The following FAAP20 variants were observed in gnomAD, a reference collection of about 807,000 sequenced individuals.
FAAP20 encodes the protein Fanconi anemia core complex-associated protein 20.
FAAP20 carries 12 observed loss-of-function variants against 16.2 expected under a neutral mutation model. The observed-to-expected ratio is 0.74, with a 90% CI of 0.48 to 1.20. The LOEUF (loss-of-function observed/expected upper bound fraction) is 1.20, where lower values mean the gene tolerates loss of function less well. Among genes scored for constraint, FAAP20 ranks in the 50% most tolerant of loss-of-function variants. The pLI is 0.00. For missense variants in FAAP20, 288 were observed against 245.8 expected (o/e 1.17, Z -1.15); for synonymous variants, 141 against 110.7 (o/e 1.27, Z -1.72).
chr1:2,187,313 TC>T (rs1687713917), downstream of FAAP20: 1 of 394,094 alleles, frequency 2.5e-6, no homozygotes, highest in South Asian at 2.0e-5. Flanking sequence ...CTTTTTTTTT[TC>T]TTTTTTTTGA....
upstream of FAAP20, chr1:2,199,484 C>G: frequency 1.0e-6 from 1 of 994,558 alleles, no homozygotes; most frequent in Non-Finnish European, 1.2e-6. This position sits in a 1 kb window ranked among gnomAD's most constrained non-coding sequence, Gnocchi z 4.5. Flanking sequence ...ATTGGTCTAC[C>G]CAGGAGGGCG....
exon 2 of FAAP20, chr1:2,206,571 C>G (rs940826545): frequency 2.6e-5 from 4 of 152,296 alleles, no homozygotes; most frequent in African/African-American, 4.8e-5. Context: ...TGGTGGCTCA[C>G]GCCTGTAATC....
chr1:2,203,169 G>A (rs1363319694), upstream of FAAP20, among the ~76,000 whole-genome samples: 8 of 152,186 alleles, frequency 5.3e-5, no homozygotes, highest in South Asian at 2.1e-4. Flanking sequence ...CTATCTGGCC[G>A]CTGGAAGTAG....
chr1:2,200,851 C>T, upstream of FAAP20: 1 of 1,063,576 alleles, frequency 9.4e-7, no homozygotes, highest in Non-Finnish European at 1.1e-6. Context: ...CCAAGTGGGC[C>T]AGGAAACCTC....
At chr1:2,192,827 T>C (rs1688387007) in intron 3 of FAAP20, 2 of 1,222,020 alleles carry the variant, frequency 1.6e-6, no homozygotes, top group Non-Finnish European at 2.2e-6. Flanking sequence ...CTCAAACTCC[T>C]GGGCTCCAGC....
downstream of FAAP20, among the ~76,000 whole-genome samples, chr1:2,208,222 G>A (rs569931020): frequency 1.3e-5 from 2 of 152,080 alleles, no homozygotes; most frequent in Non-Finnish European, 2.9e-5. Context: ...GGAGCCCGGG[G>A]CCTTGGCTGC....
downstream of FAAP20, chr1:2,185,553 A>C: frequency 1.4e-6 from 1 of 710,500 alleles, no homozygotes. Context: ...TTTCCTAAAA[A>C]CCCCGGTAAG....
At chr1:2,202,824 G>A (rs1426164315), upstream of FAAP20, among the ~76,000 whole-genome samples, 1 of 152,098 alleles carries the variant, frequency 6.6e-6, no homozygotes, top group East Asian at 1.9e-4. Context: ...ATATTGTCCA[G>A]GCTGGTCTCG....
chr1:2,199,197 G>A (rs990312898), upstream of FAAP20: 122 of 1,170,060 alleles, frequency 1.0e-4, no homozygotes, highest in African/African-American at 1.7e-3. This position sits in a 1 kb window ranked among gnomAD's most constrained non-coding sequence, Gnocchi z 4.5. Context: ...CAGCATCCCC[G>A]ACCAGACAGG....
At chr1:2,185,030 T>G, downstream of FAAP20, 1 of 1,586,980 alleles carries the variant, frequency 6.3e-7, no homozygotes, top group East Asian at 2.3e-5. Flanking sequence ...GTCTCTGTCG[T>G]GGACACGCGT....
At chr1:2,184,548 C>A (rs766230396), downstream of FAAP20, 3 of 1,542,446 alleles carry the variant, frequency 1.9e-6, no homozygotes, top group East Asian at 2.3e-5. Flanking sequence ...ATGATGCCCG[C>A]GCGGAGCTGA....
upstream of FAAP20, chr1:2,199,163 C>T: frequency 5.9e-6 from 7 of 1,181,328 alleles, no homozygotes; most frequent in Non-Finnish European, 7.5e-6. This position sits in a 1 kb window ranked among gnomAD's most constrained non-coding sequence, Gnocchi z 4.5. Flanking sequence ...TGAACCCCAT[C>T]CCAGCCATGG....
At chr1:2,185,532 A>G (rs1331844284), downstream of FAAP20, 1 of 714,942 alleles carries the variant, frequency 1.4e-6, no homozygotes, top group Admixed American at 2.0e-5. Flanking sequence ...ACACACCGCA[A>G]TCAAGAATTG....
At chr1:2,197,493 G>T (rs925212519), upstream of FAAP20, among the ~76,000 whole-genome samples, 1 of 152,202 alleles carries the variant, frequency 6.6e-6, no homozygotes, top group Non-Finnish European at 1.5e-5. Context: ...AGGGCTGGCT[G>T]AGCCTGGCTC....
At chr1:2,202,843 C>A (rs541439167), upstream of FAAP20, among the ~76,000 whole-genome samples, 1 of 152,328 alleles carries the variant, frequency 6.6e-6, no homozygotes, top group African/African-American at 2.4e-5. Flanking sequence ...CGTCAAACTC[C>A]TGGCCTCAAG....
downstream of FAAP20, among the ~76,000 whole-genome samples, chr1:2,186,603 AC>A (rs1687634524): frequency 6.6e-6 from 1 of 151,432 alleles, no homozygotes; most frequent in African/African-American, 2.4e-5. Flanking sequence ...AAAGTTAGAA[AC>A]CCCAGGGCAG....
At chr1:2,187,018 C>T (rs1477005486), downstream of FAAP20, 1 of 315,482 alleles carries the variant, frequency 3.2e-6, no homozygotes, top group Non-Finnish European at 6.7e-6. Flanking sequence ...TTGCTAATGG[C>T]TCCGGTCACG....
downstream of FAAP20, chr1:2,185,317 A>G: frequency 2.8e-6 from 2 of 718,698 alleles, no homozygotes; most frequent in Non-Finnish European, 5.2e-6. Flanking sequence ...ACGGAAACAG[A>G]ACTCGATGCA....
rs1171667034 is a variant in FAAP20 at position 2,189,593 on chromosome 1, G to A, written c.*116C>T. ...AGACAGGAGCCCGCCCTGCTTTAAT[G>A]CGCATGCGGGGGAGCCGAGAGGCGG... On this transcript the variant is annotated 3_prime_UTR_variant, in exon 4 of 4. Coordinates refer to ENST00000378546, the MANE Select transcript of FAAP20 (RefSeq NM_182533.4). 1.2e-6 allele frequency: 1 copy of A among 822,488 alleles called. No homozygotes were observed. The allele number at this position is 822,488 out of a possible 1,614,324, so 50.9% of individuals were successfully genotyped here. A position where few individuals can be genotyped will look rare whatever the true frequency, so the allele number is the denominator to read the frequency against.
Sources: gnomAD v4.1 joint callset for allele counts (sites outside exome capture counted in the v4.1 genomes callset) on GRCh38, gnomAD v4.1.1 for gene constraint, Gnocchi (gnomAD v3.1) non-coding constraint, MANE v1.5 for transcripts, NCBI Gene and HGNC (gene_info 2026-07-23, HGNC 2026-07-21) for gene names.